RASGRF2: variants seen among roughly 807,000 people sequenced by gnomAD.
RASGRF2 encodes Ras protein specific guanine nucleotide releasing factor 2.
A neutral mutation model predicts 151.0 loss-of-function variants in RASGRF2; 76 were observed. That is an observed-to-expected ratio of 0.50 (90% CI 0.42 to 0.61). RASGRF2 has a LOEUF of 0.61. RASGRF2 is among the 20% of genes least tolerant of loss of function. The pLI is 0.00. For synonymous variants in RASGRF2, 504 were observed against 566.5 expected (o/e 0.89, Z 1.57); for missense variants, 1,148 against 1,564.6 (o/e 0.73, Z 4.49).
chr5:81,112,307 A>G (rs1337517164), intron 13 of RASGRF2, among the ~76,000 whole-genome samples: 3 of 152,180 alleles, frequency 2.0e-5, no homozygotes, highest in Non-Finnish European at 4.4e-5. Flanking sequence ...TAATATTCAC[A>G]TTGTTTTAAG....
In RASGRF2 at chr5:81,155,278, A is replaced by C. The variant is rs185068040; in HGVS notation, c.2687-24897A>C. Among the ~76,000 whole-genome samples the C allele has an allele frequency of 5.3e-5, 8 of 152,274 alleles. No individual in the cohort carries two copies. The East Asian group carries it at 1.5e-3, about 29-fold the overall frequency. Reference sequence around the variant, plus strand: ...TTTTTTTACTAACATCTTTCACAAAAGACACCCTCAGAAATTGGTAAAAGG... The same window carrying C: ...TTTTTTTACTAACATCTTTCACAAACGACACCCTCAGAAATTGGTAAAAGG... On this transcript the variant is annotated intron_variant, in intron 17 of 26. Coordinates refer to ENST00000265080, the MANE Select transcript of RASGRF2 (RefSeq NM_006909.3).
At chr5:81,014,358 A>G (rs1201551581) in intron 1 of RASGRF2, among the ~76,000 whole-genome samples, 1 of 152,224 alleles carries the variant, frequency 6.6e-6, no homozygotes, top group Non-Finnish European at 1.5e-5. Context: ...CAATCATGGC[A>G]GAAGGCAAGG....
At chr5:81,024,742 A>C (rs911688999) in intron 1 of RASGRF2, among the ~76,000 whole-genome samples, 1 of 152,162 alleles carries the variant, frequency 6.6e-6, no homozygotes, top group African/African-American at 2.4e-5. Context: ...CTCCAGGATG[A>C]AGTCTTGGGC....
At chr5:81,206,671 A>G (rs1755514816) in intron 19 of RASGRF2, among the ~76,000 whole-genome samples, 174 bp from the exon 20 acceptor site, 1 of 152,126 alleles carries the variant, frequency 6.6e-6, no homozygotes, top group African/African-American at 2.4e-5. Flanking sequence ...TGCCTTGAGC[A>G]TGTTTTCTGT....
In RASGRF2 at chr5:81,086,973, A is replaced by G. The variant is rs758082409; in HGVS notation, c.1390+20A>G. 2 of 1,584,736 alleles carry G rather than the reference A, an allele frequency of 1.3e-6. No individual in the cohort carries two copies. Among genetic ancestry groups the G allele is most frequent in the Non-Finnish European group, 1.7e-6 (2 of 1,153,464 alleles). On this transcript the variant is annotated intron_variant, in intron 9 of 26. Transcript: ENST00000265080. ...GCCAAGGTAAGTCCCTGTGAAATGG[A>G]CCCGCGACCTGATGCGCTGTGCGGC... is the stretch of plus-strand genomic sequence containing the variant.
At chr5:81,058,263 C>T (rs1275954902) in intron 2 of RASGRF2, among the ~76,000 whole-genome samples, 1 of 151,862 alleles carries the variant, frequency 6.6e-6, no homozygotes, top group Non-Finnish European at 1.5e-5. Flanking sequence ...AAAAAAATAG[C>T]TAACCAAATG....
chr5:81,181,766 C>G (rs1458108938), intron 18 of RASGRF2, among the ~76,000 whole-genome samples: 1 of 152,110 alleles, frequency 6.6e-6, no homozygotes, highest in African/African-American at 2.4e-5. Flanking sequence ...CCTCAGCTCC[C>G]CTCCTCCCTT....
chr5:81,197,759 C>T (rs1755299579), intron 18 of RASGRF2, among the ~76,000 whole-genome samples: 1 of 152,078 alleles, frequency 6.6e-6, no homozygotes, highest in African/African-American at 2.4e-5. Flanking sequence ...TAATAAGTAA[C>T]TTTATATGGG....
chr5:81,055,869 G>T (rs565519735), intron 2 of RASGRF2, among the ~76,000 whole-genome samples: 2 of 152,150 alleles, frequency 1.3e-5, no homozygotes, highest in Non-Finnish European at 2.9e-5. Flanking sequence ...GAGGGTGTAT[G>T]TGTCCAGGAA....
chr5:81,117,288 A>G (rs1753187605), intron 15 of RASGRF2, among the ~76,000 whole-genome samples: 1 of 152,196 alleles, frequency 6.6e-6, no homozygotes, highest in African/African-American at 2.4e-5. Context: ...ATGAATAGAA[A>G]TTTATTTCTC....
At chr5:81,087,182 T>TA in intron 9 of RASGRF2, 3 of 703,244 alleles carry the variant, frequency 4.3e-6, no homozygotes, top group Middle Eastern at 4.6e-4. Flanking sequence ...GGCAGGCAGT[T>TA]ACATTCTGAC....
chr5:81,042,809 T>C, intron 1 of RASGRF2, 68 bp from the exon 2 acceptor site: 1 of 1,083,308 alleles, frequency 9.2e-7, no homozygotes, highest in South Asian at 1.4e-5. Context: ...TGTAGGCAGA[T>C]ACTGTGTTAT....
In RASGRF2 at chr5:81,127,090, T is replaced by C; in HGVS notation, c.2613T>C (p.Asn871=). 1 of 1,614,114 alleles carries C rather than the reference T, an allele frequency of 6.2e-7. No homozygotes were observed. Residue 871 remains asparagine (N), a synonymous_variant, in exon 17 of 27, where the codon AAT becomes AAC. Coordinates refer to ENST00000265080, the MANE Select transcript of RASGRF2 (RefSeq NM_006909.3). ...AATAACCAGGACAGACGGCGGACAA[T>C]GCCCACTGCTCTGTTTCACCGGCTT... ...YRQPGGQTAD[N]AHCSVSPASA...
intron 1 of RASGRF2, among the ~76,000 whole-genome samples, chr5:81,032,417 A>G (rs1750293478): frequency 6.6e-6 from 1 of 152,238 alleles, no homozygotes; most frequent in African/African-American, 2.4e-5. Context: ...GGCAAACCAA[A>G]TTCAGCAGCA....
intron 1 of RASGRF2, among the ~76,000 whole-genome samples, chr5:80,986,848 T>C (rs1466408530): frequency 3.3e-5 from 5 of 152,180 alleles, no homozygotes; most frequent in Non-Finnish European, 7.3e-5. Context: ...CAGATCATGT[T>C]ATTTTCCTGC....
chr5:81,153,628 A>G (rs79660208), intron 17 of RASGRF2, among the ~76,000 whole-genome samples: 3,707 of 152,320 alleles, frequency 0.024, 85 homozygotes, highest in African/African-American at 0.052. Flanking sequence ...CACTAAATTC[A>G]TGGTAATTTG....
intron 17 of RASGRF2, among the ~76,000 whole-genome samples, chr5:81,160,682 A>AAAAAATAAT (rs765381945): frequency 1.4e-5 from 2 of 138,484 alleles, no homozygotes; most frequent in Admixed American, 7.2e-5. Context: ...TCTGTCTCAA[A>AAAAAATAAT]AATAATAATA....
At chr5:81,057,090 C>A (rs1380481587) in intron 2 of RASGRF2, among the ~76,000 whole-genome samples, 1 of 152,134 alleles carries the variant, frequency 6.6e-6, no homozygotes, top group Non-Finnish European at 1.5e-5. Flanking sequence ...ATCCAATTTG[C>A]CAGTCTGTGT....
At chr5:81,140,370 A>G (rs996622428) in intron 17 of RASGRF2, among the ~76,000 whole-genome samples, 39 of 152,066 alleles carry the variant, frequency 2.6e-4, no homozygotes, top group African/African-American at 9.4e-4. Context: ...TTATTTCACT[A>G]AAGACCAGTA....
Sources: gnomAD v4.1 joint callset for allele counts (sites outside exome capture counted in the v4.1 genomes callset) on GRCh38, gnomAD v4.1.1 for gene constraint, MANE v1.5 for transcripts, NCBI Gene and HGNC (gene_info 2026-07-23, HGNC 2026-07-21) for gene names.